The following TDP1 variants were observed in gnomAD, a reference collection of about 807,000 sequenced individuals.
TDP1 encodes the protein tyr-DNA phosphodiesterase 1.
TDP1 carries 64 observed loss-of-function variants against 81.5 expected under a neutral mutation model. The ratio of observed to expected loss-of-function variants is 0.79; its 90% confidence interval spans 0.64 to 0.97. The LOEUF (loss-of-function observed/expected upper bound fraction) is 0.97. Ranked by LOEUF, TDP1 falls within the 50% of genes least tolerant of loss-of-function variation. The pLI, the probability that TDP1 is intolerant of heterozygous loss-of-function variation, is 0.00. For synonymous variants in TDP1, 256 were observed against 264.3 expected, an observed-to-expected ratio of 0.97 and a Z score of 0.30; for missense variants, 723 against 743.8, an observed-to-expected ratio of 0.97 and a Z score of 0.33.
chr14:90,019,564 T>C, intron 15 of TDP1, 146 bp downstream of exon 15: 2 of 683,982 alleles, frequency 2.9e-6, no homozygotes, highest in Admixed American at 4.1e-5. Flanking sequence ...TAACCGCTGG[T>C]CTGTACCTCT....
chr14:90,012,596 T>C (rs1884837867), intron 14 of TDP1, among the ~76,000 whole-genome samples: 1 of 152,004 alleles, frequency 6.6e-6, no homozygotes, highest in South Asian at 2.1e-4. Flanking sequence ...GCAAGGCCAT[T>C]GCTTCAGAGG....
At position 89,988,931 on chromosome 14, in the gene TDP1, G is replaced by A. The variant is rs2140116798; in HGVS notation, c.1158G>A (p.Met386Ile). The part of the protein sequence containing the change: ...KKLLKDHASS[M>I]PNAESWPVVG... ...TTCTGAAAGACCATGCCTCATCCAT[G>A]CCTAACGCAGAGTCCTGGCCTGTCG... Residue 386 changes from methionine to isoleucine, a missense_variant, in exon 11 of 17, where the codon ATG (methionine) becomes ATA (isoleucine). Transcript: ENST00000335725. 6.2e-7 allele frequency: 1 copy of A among 1,614,142 alleles called. No individual in the cohort carries two copies. The highest frequency in any genetic ancestry group is 1.3e-5 in the African/African-American group (1 of 75,048).
At chr14:90,029,594 A>G (rs1016495353) in intron 15 of TDP1, among the ~76,000 whole-genome samples, 1 of 144,888 alleles carries the variant, frequency 6.9e-6, no homozygotes, top group Admixed American at 7.0e-5. Flanking sequence ...TGCCTCCTGG[A>G]TTCCAGCGAT....
In TDP1 at chr14:89,999,166, C is replaced by T. The variant is rs1013323195; in HGVS notation, c.1541+5683C>T. Among the ~76,000 whole-genome samples the T allele has an allele frequency of 4.6e-5, 7 of 152,030 alleles. No homozygotes were observed. The East Asian group carries it at 1.2e-3, about 25-fold the overall frequency. ...ATTATAAGTTATTTAATAACCTGGC[C>T]ATCACATATTAACTGCCAAGTCCTA... On this transcript the variant is annotated intron_variant, in intron 14 of 16. Coordinates refer to ENST00000335725, the MANE Select transcript of TDP1 (RefSeq NM_018319.4).
chr14:90,027,274 C>CT (rs1491417810), intron 15 of TDP1, among the ~76,000 whole-genome samples: 1 of 152,118 alleles, frequency 6.6e-6, no homozygotes, highest in East Asian at 1.9e-4. Flanking sequence ...CCTTCTCTCT[C>CT]CCCTGGATGA....
intron 8 of TDP1, chr14:89,981,579 A>AT: frequency 4.6e-6 from 2 of 433,226 alleles, no homozygotes; most frequent in Non-Finnish European, 9.2e-6. Flanking sequence ...TTTCTCTGTC[A>AT]TCCTCCTCTG....
intron 3 of TDP1, among the ~76,000 whole-genome samples, chr14:89,964,663 G>A (rs1892723035): frequency 6.6e-6 from 1 of 152,072 alleles, no homozygotes; most frequent in Non-Finnish European, 1.5e-5. Flanking sequence ...TCTACAGGTT[G>A]TTTTCTTTTT....
chr14:89,981,869 T>C (rs1418236990), intron 8 of TDP1, among the ~76,000 whole-genome samples: 1 of 150,944 alleles, frequency 6.6e-6, no homozygotes, highest in Non-Finnish European at 1.5e-5. Flanking sequence ...TTATTTTTTG[T>C]AGAGACAAGG....
chr14:90,026,754 C>G (rs1234857257), intron 15 of TDP1, among the ~76,000 whole-genome samples: 2 of 152,168 alleles, frequency 1.3e-5, no homozygotes, highest in African/African-American at 4.8e-5. Flanking sequence ...ATGATGGTTT[C>G]CAGCTTCATC....
rs546531070 is a variant in TDP1, at chr14:90,027,753, C to T, written c.1645-5353C>T. 1.7e-4 allele frequency among the ~76,000 whole-genome samples: 26 copies of T among 152,282 alleles called. No homozygotes were observed. The South Asian group carries it at 2.3e-3, about 13-fold the overall frequency. ...AGATTTGGCCTCCTTATTCTACTTC[C>T]GTAGGCCCCTTTTTCTCGTTGTACA... is the stretch of plus-strand genomic sequence containing the variant. On this transcript the variant is annotated intron_variant, in intron 15 of 16. Coordinates refer to ENST00000335725, the MANE Select transcript of TDP1 (RefSeq NM_018319.4).
At chr14:89,976,554 T>TTTTTTTTTTTTTTTTTG (rs1566862561) in intron 7 of TDP1, among the ~76,000 whole-genome samples, 1 of 141,746 alleles carries the variant, frequency 7.1e-6, no homozygotes, top group African/African-American at 2.7e-5. Flanking sequence ...TTTTTTTTTT[T>TTTTTTTTTTTTTTTTTG]TAGACAGAGT....
intron 15 of TDP1, chr14:90,032,828 A>C: frequency 1.0e-6 from 1 of 985,156 alleles, no homozygotes; most frequent in Non-Finnish European, 1.2e-6. Context: ...ATCATATCCA[A>C]AATTGTCTCT....
chr14:90,022,975 T>C, intron 15 of TDP1: 1 of 741,278 alleles, frequency 1.3e-6, no homozygotes, highest in South Asian at 1.4e-5. Context: ...GGCCTGGGAC[T>C]ACCCACCTCC....
At chr14:90,007,342 A>G (rs1356919841) in intron 14 of TDP1, among the ~76,000 whole-genome samples, 1 of 152,114 alleles carries the variant, frequency 6.6e-6, no homozygotes, top group Non-Finnish European at 1.5e-5. Flanking sequence ...TAATCCCAGC[A>G]CTTTAGGAAG....
intron 7 of TDP1, among the ~76,000 whole-genome samples, chr14:89,979,790 C>G (rs1378001041): frequency 5.9e-5 from 9 of 152,206 alleles, no homozygotes; most frequent in Non-Finnish European, 1.0e-4. Context: ...TATCTATATC[C>G]TATTCCCTCT....
chr14:90,041,307 A>C (rs1888329716), intron 16 of TDP1, among the ~76,000 whole-genome samples: 1 of 152,234 alleles, frequency 6.6e-6, no homozygotes, highest in Non-Finnish European at 1.5e-5. Context: ...TTAGGAAACA[A>C]GCATGCAACA....
chr14:89,984,473 C>G (rs571894604), intron 8 of TDP1, 43 bp from the exon 9 acceptor site: 2 of 1,612,506 alleles, frequency 1.2e-6, no homozygotes, highest in South Asian at 2.2e-5. Context: ...TCATTATGAT[C>G]AGTTGTGTGC....
intron 15 of TDP1, 56 bp from the exon 16 acceptor site, chr14:90,033,050 T>C (rs1887463408): frequency 1.5e-6 from 2 of 1,325,266 alleles, no homozygotes; most frequent in Non-Finnish European, 2.2e-6. Flanking sequence ...TTCTGGTTTT[T>C]TTTTTTAAAC....
chr14:90,040,130 A>G lies in TDP1; in HGVS notation c.1754-2940A>G, dbSNP rs35852735. Among the ~76,000 whole-genome samples the G allele has an allele frequency of 3.3e-3, 502 of 152,254 alleles. 5 individuals carry two copies. The highest frequency in any genetic ancestry group is 0.01 in the African/African-American group (424 of 41,552). ...TTTTCATCCTTCCAGCCATGGCCTT[A>G]ATGTAGGCCTCCTCTTTCTCACCCA... is the stretch of plus-strand genomic sequence containing the variant. On this transcript the variant is annotated intron_variant, in intron 16 of 16. Transcript: ENST00000335725.
Sources: allele counts gnomAD v4.1 joint callset (sites outside exome capture counted in the v4.1 genomes callset), GRCh38; gene constraint gnomAD v4.1.1; transcripts MANE v1.5; gene names NCBI Gene and HGNC (gene_info 2026-07-23, HGNC 2026-07-21).